Variants in CPNE5 observed in about 807,000 individuals in gnomAD.
CPNE5 encodes the protein copine 5, also known as copine-5.
Under a neutral mutation model 81.1 loss-of-function variants are expected in CPNE5, and 42 were observed. The observed-to-expected ratio is 0.52, with a 90% CI of 0.40 to 0.67. The LOEUF is 0.67. CPNE5 is among the 30% of genes least tolerant of loss of function. The pLI is 0.00. For synonymous variants in CPNE5, 313 were observed against 321.5 expected (o/e 0.97, Z 0.28); for missense variants, 612 against 815.5 (o/e 0.75, Z 3.04).
At chr6:36,775,592 A>G (rs1180290534) in intron 9 of CPNE5, among the ~76,000 whole-genome samples, 1 of 150,874 alleles carries the variant, frequency 6.6e-6, no homozygotes, top group East Asian at 1.9e-4. Context: ...TTTGTGACTC[A>G]CTCCTCACTA....
intron 1 of CPNE5, among the ~76,000 whole-genome samples, chr6:36,834,254 C>CAA (rs1157250827): frequency 2.5e-3 from 55 of 21,650 alleles, no homozygotes; most frequent in African/African-American, 0.011. Context: ...GACTGTATCT[C>CAA]AAAAAAAAAA....
At chr6:36,743,986 A>C (rs1220939168) in intron 19 of CPNE5, among the ~76,000 whole-genome samples, 1 of 152,082 alleles carries the variant, frequency 6.6e-6, no homozygotes. Flanking sequence ...CCCTCCCCAG[A>C]CTCCCAGGGC....
intron 12 of CPNE5, among the ~76,000 whole-genome samples, chr6:36,759,223 T>A (rs1362389283): frequency 6.6e-6 from 1 of 152,248 alleles, no homozygotes; most frequent in Non-Finnish European, 1.5e-5. Flanking sequence ...CACTCTCTGA[T>A]ATAACTGCTT....
chr6:36,774,523 C>T (rs532378597), intron 10 of CPNE5, among the ~76,000 whole-genome samples: 3 of 152,340 alleles, frequency 2.0e-5, no homozygotes, highest in African/African-American at 7.2e-5. Flanking sequence ...CTGCCTCTGC[C>T]TGCATCAACA....
At position 36,742,197 on chromosome 6, in the gene CPNE5, A is replaced by C; in HGVS notation, c.*71T>G. The C allele has an allele frequency of 7.9e-7, 1 of 1,260,160 alleles. No individual in the cohort carries two copies. The highest frequency in any genetic ancestry group is 1.1e-6 in the Non-Finnish European group (1 of 914,100). The allele number at this position is 1,260,160 out of a possible 1,614,324, so 78.1% of individuals were successfully genotyped here. A position where few individuals can be genotyped will look rare whatever the true frequency, so the allele number is the denominator to read the frequency against. ...AAGGCCGGGCAGGCCAACTTCGGGG[A>C]GTCTGGGGCCCTGGCCTCCCATTCA... On this transcript the variant is annotated 3_prime_UTR_variant, in exon 21 of 21. Transcript: ENST00000244751.
chr6:36,748,347 A>G (rs1489875533), intron 14 of CPNE5, 80 bp from the exon 15 acceptor site: 18 of 1,297,352 alleles, frequency 1.4e-5, no homozygotes, highest in Non-Finnish European at 1.9e-5. Flanking sequence ...GACATTGGCT[A>G]CCACCCTGGC....
chr6:36,781,687 G>A (rs745820715), intron 8 of CPNE5, among the ~76,000 whole-genome samples: 12 of 152,152 alleles, frequency 7.9e-5, no homozygotes, highest in African/African-American at 2.7e-4. Context: ...TGGGCTACTC[G>A]CTGGCTGTAT....
chr6:36,834,810 G>T (rs1773328666), intron 1 of CPNE5, among the ~76,000 whole-genome samples: 1 of 152,112 alleles, frequency 6.6e-6, no homozygotes, highest in African/African-American at 2.4e-5. Context: ...ATGGTTAAAT[G>T]GACTTCTTTT....
At position 36,798,152 on chromosome 6, in the gene CPNE5, C is replaced by A. The variant is rs753933100; in HGVS notation, c.404+13G>T. On this transcript the variant is annotated intron_variant, in intron 6 of 20. Transcript: ENST00000244751. The stretch of plus-strand genomic sequence containing the variant: ...AGTTGGCCTACCACTGGGAAAGCAA[C>A]CCAGACACTCACGTGAGGGGCTTTT... 3.1e-6 allele frequency: 5 copies of A among 1,611,774 alleles called. No individual in the cohort carries two copies. The highest frequency in any genetic ancestry group is 1.1e-5 in the South Asian group (1 of 90,668).
At chr6:36,757,395 A>G (rs1765589386) in intron 12 of CPNE5, 1 of 983,772 alleles carries the variant, frequency 1.0e-6, no homozygotes, top group African/African-American at 1.7e-5. Flanking sequence ...CTGGGTGAGT[A>G]TTGCTATCTA....
intron 8 of CPNE5, among the ~76,000 whole-genome samples, chr6:36,790,810 T>C (rs753758300): frequency 4.6e-5 from 7 of 152,190 alleles, no homozygotes; most frequent in Non-Finnish European, 8.8e-5. Flanking sequence ...CCCAAAGTGC[T>C]GGGATTACAG....
chr6:36,760,773 C>T (rs1765947464), intron 12 of CPNE5, among the ~76,000 whole-genome samples: 1 of 152,166 alleles, frequency 6.6e-6, no homozygotes, highest in African/African-American at 2.4e-5. Flanking sequence ...ACAGGAAGGG[C>T]CAGCAGACAG....
chr6:36,798,752 G>A (rs1053057977), intron 4 of CPNE5, among the ~76,000 whole-genome samples: 3 of 152,096 alleles, frequency 2.0e-5, no homozygotes, highest in Non-Finnish European at 2.9e-5. Context: ...AGATTTATGC[G>A]CTTCACTGTA....
At chr6:36,782,284 C>G (rs1768096360) in intron 8 of CPNE5, among the ~76,000 whole-genome samples, 1 of 152,172 alleles carries the variant, frequency 6.6e-6, no homozygotes, top group South Asian at 2.1e-4. Context: ...TCAGCCTGCA[C>G]TGGTTGACTA....
intron 3 of CPNE5, among the ~76,000 whole-genome samples, chr6:36,811,544 T>G (rs1415687496): frequency 6.6e-6 from 1 of 152,152 alleles, no homozygotes; most frequent in Non-Finnish European, 1.5e-5. Context: ...GTGCACACTT[T>G]CAACAGCTCA....
chr6:36,827,616 A>G, intron 1 of CPNE5: 1 of 985,366 alleles, frequency 1.0e-6, no homozygotes, highest in Non-Finnish European at 1.2e-6. Context: ...CACGTGTAGC[A>G]CCAGAAGTTT....
rs73730172 is a variant in CPNE5, at chr6:36,748,128, G to A, written c.1018+93C>T. ...TCTTTGGTGAGGAAGAGGCCAGAGA[G>A]TATGAGGGTCATGGTCCCAGCCAGG... On this transcript the variant is annotated intron_variant, in intron 15 of 20. Coordinates refer to ENST00000244751, the MANE Select transcript of CPNE5 (RefSeq NM_020939.2). 6.2e-3 allele frequency: 7,045 copies of A among 1,140,514 alleles called. 45 individuals are homozygous for A. Among genetic ancestry groups the A allele is most frequent in the African/African-American group, 0.025 (1,665 of 65,900 alleles). The allele number at this position is 1,140,514 out of a possible 1,614,324, so 70.6% of individuals were successfully genotyped here. A position where few individuals can be genotyped will look rare whatever the true frequency, so the allele number is the denominator to read the frequency against.
At chr6:36,835,310 C>T (rs1773390993) in intron 1 of CPNE5, among the ~76,000 whole-genome samples, 3 of 152,222 alleles carry the variant, frequency 2.0e-5, no homozygotes, top group Non-Finnish European at 4.4e-5. Flanking sequence ...AATGGAACGT[C>T]AGACAGGTAA....
intron 8 of CPNE5, among the ~76,000 whole-genome samples, chr6:36,788,228 G>GC (rs911053595): frequency 7.5e-6 from 1 of 133,814 alleles, no homozygotes; most frequent in Non-Finnish European, 1.5e-5. Flanking sequence ...GAGATGGTCG[G>GC]GGGGGGGTCT....
Sources: gnomAD v4.1 joint callset for allele counts (sites outside exome capture counted in the v4.1 genomes callset) on GRCh38, gnomAD v4.1.1 for gene constraint, MANE v1.5 for transcripts, NCBI Gene and HGNC (gene_info 2026-07-23, HGNC 2026-07-21) for gene names.